Variants in EPS15 observed in about 807,000 individuals in gnomAD.
EPS15 encodes the protein epidermal growth factor receptor pathway substrate 15, also known as epidermal growth factor receptor substrate 15.
EPS15 carries 72 observed loss-of-function variants against 113.8 expected under a neutral mutation model. The observed-to-expected ratio is 0.63, with a 90% CI of 0.52 to 0.77. The LOEUF is 0.77. Ranked by LOEUF, EPS15 falls within the 30% of genes least tolerant of loss-of-function variation. The pLI is 0.00. For synonymous variants in EPS15, 344 were observed against 363.4 expected (o/e 0.95, Z 0.61); for missense variants, 1,048 against 1,045.8 (o/e 1.00, Z -0.03).
intron 1 of EPS15, among the ~76,000 whole-genome samples, chr1:51,514,205 A>G (rs1644674789): frequency 6.6e-6 from 1 of 152,218 alleles, no homozygotes; most frequent in Non-Finnish European, 1.5e-5. Flanking sequence ...TAATGAAGGC[A>G]TACCTTGTTG....
At position 51,458,213 on chromosome 1, in the gene EPS15, G is replaced by A. The variant is rs879227745; in HGVS notation, c.561+2878C>T. ...TGGTTAACAAGTAAATCTAGGAGAA[G>A]ATAAAGGGGTGTCTACTATTTAAAA... On this transcript the variant is annotated intron_variant, in intron 8 of 24. Coordinates refer to ENST00000371733, the MANE Select transcript of EPS15 (RefSeq NM_001981.3). 2.0e-5 allele frequency: 3 copies of A among 151,676 alleles called. No homozygotes were observed. In the South Asian group the frequency reaches 6.2e-4, roughly 31 times the overall value. 9.4% of individuals were successfully genotyped at this position (151,676 alleles called of 1,614,324 possible).
chr1:51,452,948 G>A (rs1244790424), intron 8 of EPS15, among the ~76,000 whole-genome samples: 2 of 152,156 alleles, frequency 1.3e-5, no homozygotes, highest in Non-Finnish European at 1.5e-5. Context: ...ACAAGTTCCC[G>A]AATGATGCTG....
At chr1:51,445,330 G>A (rs190784422) in intron 10 of EPS15, among the ~76,000 whole-genome samples, 10 of 152,254 alleles carry the variant, frequency 6.6e-5, no homozygotes, top group African/African-American at 2.4e-4. Flanking sequence ...AAAAGTTGTG[G>A]TGGGCCAAAG....
chr1:51,402,465 C>G lies in EPS15; in HGVS notation c.1852G>C (p.Asp618His). The change falls in exon 18 of 25, where the codon GAT (aspartate) becomes CAT (histidine). Residue 618 changes from aspartate (D) to histidine (H), a missense_variant. By Grantham distance (81) the Asp-to-His change is moderately conservative. Coordinates refer to ENST00000371733, the MANE Select transcript of EPS15 (RefSeq NM_001981.3). Reference sequence around the variant, plus strand: ...ACAAAAGGATCAGACTGGAAAAAATCCAAGTTTGTATCTGCAACTGGACCT... The same window carrying G: ...ACAAAAGGATCAGACTGGAAAAAATGCAAGTTTGTATCTGCAACTGGACCT... Reference protein sequence around the residue: ...LTGPVADTNLDFFQSDPFVGS... With the variant: ...LTGPVADTNLHFFQSDPFVGS... 6.3e-7 allele frequency: 1 copy of G among 1,586,754 alleles called. No individual in the cohort carries two copies. Among genetic ancestry groups the G allele is most frequent in the Non-Finnish European group, 8.6e-7 (1 of 1,162,624 alleles).
At chr1:51,412,320 A>G (rs1649801846) in intron 13 of EPS15, among the ~76,000 whole-genome samples, 2 of 152,228 alleles carry the variant, frequency 1.3e-5, no homozygotes, top group Non-Finnish European at 2.9e-5. Context: ...GCACATGTAT[A>G]CCTATGTAAC....
chr1:51,518,784 G>C (rs1438958225), intron 1 of EPS15, among the ~76,000 whole-genome samples: 1 of 151,584 alleles, frequency 6.6e-6, no homozygotes, highest in Non-Finnish European at 1.5e-5. Flanking sequence ...GCGGCCCGGG[G>C]GTGCGGCCGG....
chr1:51,505,381 A>C (rs1328701277), intron 1 of EPS15, among the ~76,000 whole-genome samples: 1 of 152,240 alleles, frequency 6.6e-6, no homozygotes, highest in Non-Finnish European at 1.5e-5. Flanking sequence ...TACTTGCTGC[A>C]ACATAGATAA....
chr1:51,386,247 T>C (rs568106821), intron 21 of EPS15, among the ~76,000 whole-genome samples: 175 of 152,184 alleles, frequency 1.1e-3, no homozygotes, highest in African/African-American at 4.0e-3. Context: ...TAATTTCTAA[T>C]AGGATGAAAA....
chr1:51,442,747 T>C (rs1652691326), intron 11 of EPS15, among the ~76,000 whole-genome samples: 1 of 152,028 alleles, frequency 6.6e-6, no homozygotes, highest in Admixed American at 6.6e-5. Context: ...ATAAAAAACC[T>C]CTCATTTCAA....
At chr1:51,370,839 G>A (rs1288919686) in intron 21 of EPS15, among the ~76,000 whole-genome samples, 4 of 151,910 alleles carry the variant, frequency 2.6e-5, no homozygotes, top group Non-Finnish European at 4.4e-5. Flanking sequence ...GGCTGGTCTC[G>A]AACTCCTGAC....
Position 51,481,072 on chromosome 1 carries a change from G to A in EPS15, c.75+201C>T, listed in dbSNP as rs372157743. 1.1e-3 allele frequency among the ~76,000 whole-genome samples: 168 copies of A among 152,294 alleles called. 1 individual carries two copies. The highest frequency in any genetic ancestry group is 4.0e-3 in the African/African-American group (166 of 41,560). On this transcript the variant is annotated intron_variant, in intron 2 of 24. Transcript: ENST00000371733. ...CAACATAGATATTTAAGACAACTAAGTACTTGGACTTAATTATCTTTCCTT... is the reference window on the plus strand; with the variant it reads ...CAACATAGATATTTAAGACAACTAAATACTTGGACTTAATTATCTTTCCTT...
chr1:51,407,221 A>C (rs1216388352), intron 15 of EPS15, among the ~76,000 whole-genome samples: 1 of 151,994 alleles, frequency 6.6e-6, no homozygotes, highest in Non-Finnish European at 1.5e-5. Flanking sequence ...TTTTTGAGAC[A>C]GATTCTCACT....
intron 5 of EPS15, among the ~76,000 whole-genome samples, chr1:51,467,583 G>A (rs1019803392): frequency 1.3e-5 from 2 of 152,120 alleles, no homozygotes; most frequent in Non-Finnish European, 2.9e-5. Context: ...TGCATAGCAG[G>A]AGTCCCCAAT....
At chr1:51,468,208 C>T (rs1654988759) in intron 5 of EPS15, among the ~76,000 whole-genome samples, 2 of 152,138 alleles carry the variant, frequency 1.3e-5, no homozygotes, top group African/African-American at 2.4e-5. Flanking sequence ...GATCCTCCCA[C>T]TTCTGCCTCC....
chr1:51,446,429 T>C (rs914213978), intron 10 of EPS15, among the ~76,000 whole-genome samples: 1 of 151,550 alleles, frequency 6.6e-6, no homozygotes, highest in African/African-American at 2.4e-5. Flanking sequence ...AACATTCTAA[T>C]AACAATTAAC....
intron 15 of EPS15, 64 bp from the exon 16 acceptor site, chr1:51,406,172 C>T (rs1005302020): frequency 7.2e-6 from 10 of 1,384,506 alleles, no homozygotes; most frequent in Non-Finnish European, 9.0e-6. Flanking sequence ...AACATAAAAA[C>T]GCCCTCCTCC....
At chr1:51,433,859 A>G (rs1334360809) in intron 12 of EPS15, among the ~76,000 whole-genome samples, 1 of 152,216 alleles carries the variant, frequency 6.6e-6, no homozygotes, top group Non-Finnish European at 1.5e-5. Flanking sequence ...GGAAGCTAGT[A>G]GATGACAAAA....
chr1:51,365,281 T>TG (rs940125728), intron 22 of EPS15, among the ~76,000 whole-genome samples: 2 of 152,218 alleles, frequency 1.3e-5, no homozygotes, highest in Non-Finnish European at 2.9e-5. Context: ...TTGCATATTG[T>TG]GGGGGGCTAG....
chr1:51,501,534 C>A (rs1644414774), intron 1 of EPS15, among the ~76,000 whole-genome samples: 1 of 151,764 alleles, frequency 6.6e-6, no homozygotes, highest in Non-Finnish European at 1.5e-5. Flanking sequence ...GGCTGGAGTG[C>A]AGTGGTGCAA....
Sources: allele counts gnomAD v4.1 joint callset (sites outside exome capture counted in the v4.1 genomes callset), GRCh38; gene constraint gnomAD v4.1.1; transcripts MANE v1.5; gene names NCBI Gene and HGNC (gene_info 2026-07-23, HGNC 2026-07-21).